The following FGF14 variants were observed in gnomAD, a reference collection of about 807,000 sequenced individuals.
FGF14 encodes the protein fibroblast growth factor 14, also known as fibroblast growth factor homologous factor 4.
FGF14 carries 5 observed loss-of-function variants against 25.5 expected under a neutral mutation model. That is an observed-to-expected ratio of 0.20 (90% CI 0.10 to 0.41). FGF14 has a LOEUF of 0.41. Among genes scored for constraint, FGF14 ranks in the 10% least tolerant of loss-of-function variants. The pLI is 1.00. For missense variants in FGF14, 222 were observed against 320.1 expected, an observed-to-expected ratio of 0.69 and a Z score of 2.34; for synonymous variants, 138 against 118.3, an observed-to-expected ratio of 1.17 and a Z score of -1.08.
intron 1 of FGF14, among the ~76,000 whole-genome samples, chr13:101,976,732 T>A (rs917478897): frequency 6.6e-6 from 1 of 152,210 alleles, no homozygotes; most frequent in Non-Finnish European, 1.5e-5. Flanking sequence ...TCATAGCAAT[T>A]GCCAACAATG....
rs1172065536 is a variant in FGF14 at position 101,916,912 on chromosome 13, G to T, written c.-267C>A. On this transcript the variant is annotated 5_prime_UTR_variant, in exon 1 of 5. Coordinates refer to ENST00000376143, the MANE Select transcript of FGF14 (RefSeq NM_004115.4). ...CGGACGTCGTGGCCGCCGCCGCTTG[G>T]CCACGTCCGAGTGGAGAGCGGGACC... Among the ~76,000 whole-genome samples, 1 of 151,998 alleles carries T rather than the reference G, an allele frequency of 6.6e-6. No individual in the cohort carries two copies. The highest frequency in any genetic ancestry group is 1.5e-5 in the Non-Finnish European group (1 of 67,948).
intron 3 of FGF14, chr13:101,868,352 G>T: frequency 4.9e-6 from 1 of 204,840 alleles, no homozygotes; most frequent in Non-Finnish European, 1.0e-5. Context: ...TCTTACTTTA[G>T]AAAATACTCT....
intron 1 of FGF14, among the ~76,000 whole-genome samples, chr13:102,308,020 G>A (rs1353475513): frequency 1.3e-5 from 2 of 152,138 alleles, no homozygotes; most frequent in African/African-American, 4.8e-5. Flanking sequence ...AGCCAGAACT[G>A]ACCTCAGAAC....
intron 1 of FGF14, among the ~76,000 whole-genome samples, chr13:102,294,873 C>T (rs1451085656): frequency 4.6e-5 from 7 of 152,086 alleles, no homozygotes; most frequent in Admixed American, 2.6e-4. Context: ...CTGAGGTTAC[C>T]GTGAGGACTA....
chr13:102,137,945 T>C, intron 1 of FGF14, among the ~76,000 whole-genome samples: 1 of 148,140 alleles, frequency 6.8e-6, no homozygotes, highest in Non-Finnish European at 1.5e-5. Flanking sequence ...AGCCTAGGAC[T>C]GGGATTTCAG....
intron 1 of FGF14, among the ~76,000 whole-genome samples, chr13:102,074,783 TA>T (rs1274313638): frequency 6.6e-6 from 1 of 152,140 alleles, no homozygotes; most frequent in Non-Finnish European, 1.5e-5. Flanking sequence ...TAGTTCAACA[TA>T]AAAACATGAT....
At chr13:101,850,277 TC>T (rs2043690019) in intron 3 of FGF14, among the ~76,000 whole-genome samples, 12 of 35,614 alleles carry the variant, frequency 3.4e-4, no homozygotes, top group African/African-American at 4.2e-4. Flanking sequence ...CTACTAAAAA[TC>T]CAAAAAAAAA....
At chr13:101,814,746 T>A (rs192744832) in intron 3 of FGF14, among the ~76,000 whole-genome samples, 1 of 152,162 alleles carries the variant, frequency 6.6e-6, no homozygotes, top group African/African-American at 2.4e-5. Context: ...GATCAGTGAG[T>A]AAGCATTTTA....
At chr13:102,395,961 C>G (rs1386008282) in intron 1 of FGF14, among the ~76,000 whole-genome samples, 1 of 151,822 alleles carries the variant, frequency 6.6e-6, no homozygotes, top group Non-Finnish European at 1.5e-5. Flanking sequence ...ATAGTGGCAG[C>G]TAGAGAACTA....
At chr13:102,254,607 C>T (rs983748620) in intron 1 of FGF14, among the ~76,000 whole-genome samples, 2 of 152,170 alleles carry the variant, frequency 1.3e-5, no homozygotes, top group Admixed American at 1.3e-4. Context: ...GTCGTTGGTA[C>T]AGATGAGGGT....
chr13:101,978,478 G>C (rs1412954355), intron 1 of FGF14, among the ~76,000 whole-genome samples: 2 of 152,140 alleles, frequency 1.3e-5, no homozygotes, highest in Non-Finnish European at 2.9e-5. Context: ...AGACACTTTT[G>C]CCAATGCTTT....
chr13:101,976,678 C>G (rs1308562889), intron 1 of FGF14, among the ~76,000 whole-genome samples: 2 of 152,206 alleles, frequency 1.3e-5, no homozygotes, highest in African/African-American at 4.8e-5. Context: ...CCATCACCCT[C>G]ATTTCCTGTT....
intron 1 of FGF14, among the ~76,000 whole-genome samples, chr13:102,339,672 C>A (rs1203180285): frequency 6.6e-6 from 1 of 151,952 alleles, no homozygotes; most frequent in Non-Finnish European, 1.5e-5. Flanking sequence ...TAAGTCTGCA[C>A]CTAGCAAAAT....
intron 1 of FGF14, among the ~76,000 whole-genome samples, chr13:102,090,755 AG>A (rs1373077992): frequency 6.6e-6 from 1 of 152,228 alleles, no homozygotes; most frequent in African/African-American, 2.4e-5. Flanking sequence ...TTCCAAAAAA[AG>A]ATCAGTGTAT....
intron 1 of FGF14, among the ~76,000 whole-genome samples, chr13:102,353,816 CCTT>C (rs2057354290): frequency 6.6e-6 from 1 of 152,164 alleles, no homozygotes; most frequent in Non-Finnish European, 1.5e-5. Flanking sequence ...TATTTAAAAT[CCTT>C]CTGTGGCTTC....
chr13:101,930,488 T>C (rs1463371002), intron 1 of FGF14, among the ~76,000 whole-genome samples: 1 of 152,224 alleles, frequency 6.6e-6, no homozygotes, highest in Non-Finnish European at 1.5e-5. Context: ...GCCACTGGAA[T>C]GCTCCATTTT....
chr13:102,222,359 G>A (rs1707396756), intron 1 of FGF14, among the ~76,000 whole-genome samples: 1 of 152,220 alleles, frequency 6.6e-6, no homozygotes, highest in Non-Finnish European at 1.5e-5. Context: ...GTGTTTGGCA[G>A]ACATCTGGTC....
At chr13:102,204,164 AG>A (rs897258197) in intron 1 of FGF14, among the ~76,000 whole-genome samples, 1 of 152,210 alleles carries the variant, frequency 6.6e-6, no homozygotes, top group Non-Finnish European at 1.5e-5. Context: ...AGATAAACTT[AG>A]GAGGTAGGTA....
At chr13:101,864,498 G>A (rs1487434841) in intron 3 of FGF14, among the ~76,000 whole-genome samples, 1 of 152,026 alleles carries the variant, frequency 6.6e-6, no homozygotes, top group African/African-American at 2.4e-5. Context: ...GTTGATTCTC[G>A]GGCCTCCCAT....
Sources: allele counts gnomAD v4.1 joint callset (sites outside exome capture counted in the v4.1 genomes callset), GRCh38; gene constraint gnomAD v4.1.1; transcripts MANE v1.5; gene names NCBI Gene and HGNC (gene_info 2026-07-23, HGNC 2026-07-21).